ZNF257: variants seen among roughly 807,000 people sequenced by gnomAD.
ZNF257 encodes the protein zinc finger protein 257.
Under a neutral mutation model 11.9 loss-of-function variants are expected in ZNF257, and 12 were observed. The observed-to-expected ratio is 1.01, with a 90% confidence interval of 0.65 to 1.63. The LOEUF (loss-of-function observed/expected upper bound fraction) is 1.63. Ranked by LOEUF, ZNF257 falls within the 40% of genes most tolerant of loss-of-function variation. The pLI is 0.00. For missense variants in ZNF257, 580 were observed against 665.5 expected, an observed-to-expected ratio of 0.87 and a Z score of 1.41; for synonymous variants, 183 against 222.7, an observed-to-expected ratio of 0.82 and a Z score of 1.59.
chr19:22,053,197 C>G (rs1202472689), intron 1 of ZNF257, among the ~76,000 whole-genome samples: 7 of 151,504 alleles, frequency 4.6e-5, no homozygotes, highest in Admixed American at 4.6e-4. Flanking sequence ...GGTGAAACCC[C>G]GCCTCTACTA....
At chr19:22,053,366 CAAAAAAA>C (rs61426953) in intron 1 of ZNF257, among the ~76,000 whole-genome samples, 15,667 of 75,990 alleles carry the variant, frequency 0.21, 825 homozygotes, top group South Asian at 0.36. Flanking sequence ...GACTCCGTCT[CAAAAAAA>C]AAAAAAAAAA....
intron 1 of ZNF257, among the ~76,000 whole-genome samples, chr19:22,057,352 C>T (rs183864112): frequency 6.6e-6 from 1 of 151,996 alleles, no homozygotes; most frequent in Non-Finnish European, 1.5e-5. Context: ...TAATATTGAG[C>T]CTGCAAAAAA....
chr19:22,063,456 A>C (rs887241921), intron 1 of ZNF257, among the ~76,000 whole-genome samples: 5 of 152,194 alleles, frequency 3.3e-5, no homozygotes, highest in Non-Finnish European at 7.4e-5. Context: ...AGGTCACTAA[A>C]TTAAGATCTT....
intron 1 of ZNF257, among the ~76,000 whole-genome samples, chr19:22,071,994 A>G (rs1037225906): frequency 6.6e-6 from 1 of 152,190 alleles, no homozygotes; most frequent in Non-Finnish European, 1.5e-5. Context: ...ACTTAAAATC[A>G]CTATTAAAAA....
At chr19:22,081,389 A>G (rs973970788) in intron 3 of ZNF257, among the ~76,000 whole-genome samples, 3 of 151,798 alleles carry the variant, frequency 2.0e-5, no homozygotes, top group African/African-American at 7.3e-5. Context: ...TATAATTACT[A>G]TTTGCATGGA....
At chr19:22,073,604 T>C (rs1478651826) in intron 3 of ZNF257, 40 bp downstream of exon 3, 1 of 1,588,028 alleles carries the variant, frequency 6.3e-7, no homozygotes, top group South Asian at 1.1e-5. Context: ...GTGAAACAGA[T>C]GAGAGATCCA....
At chr19:22,065,700 T>C (rs1274119482) in intron 1 of ZNF257, 3 of 152,216 alleles carry the variant, frequency 2.0e-5, no homozygotes, top group Admixed American at 6.5e-5. Context: ...TAACTTGGAA[T>C]GCTGCTATTA....
At chr19:22,055,813 C>G (rs1022428124) in intron 1 of ZNF257, among the ~76,000 whole-genome samples, 5 of 151,952 alleles carry the variant, frequency 3.3e-5, no homozygotes, top group Non-Finnish European at 7.4e-5. Flanking sequence ...CGCCTGTAAT[C>G]CCAGCACTTT....
In ZNF257 at chr19:22,078,881, C is replaced by T. The variant is rs1255047185; in HGVS notation, c.226+5317C>T. On this transcript the variant is annotated intron_variant, in intron 3 of 3. Transcript: ENST00000594947. ...AATCTCTGCTCACTGCAGCCTCCAC[C>T]TCCCGGGTTCAAGTGATTCTCCTGC... Among the ~76,000 whole-genome samples, 5 of 151,584 alleles carry T rather than the reference C, an allele frequency of 3.3e-5. 1 individual carries two copies. The highest frequency in any genetic ancestry group is 1.9e-4 in the East Asian group (1 of 5,182).
intron 3 of ZNF257, chr19:22,075,877 A>G (rs2022213126): frequency 6.6e-6 from 1 of 152,176 alleles, no homozygotes; most frequent in African/African-American, 2.4e-5. Context: ...TGGTACTCTC[A>G]TAAAGGTATT....
chr19:22,059,549 A>C (rs1461118151), intron 1 of ZNF257, among the ~76,000 whole-genome samples: 2 of 151,778 alleles, frequency 1.3e-5, no homozygotes, highest in Admixed American at 1.3e-4. Flanking sequence ...GGCCTCCCAA[A>C]GTGCTGGGAT....
At chr19:22,052,718 C>A in intron 1 of ZNF257, 83 bp downstream of exon 1, 1 of 1,544,188 alleles carries the variant, frequency 6.5e-7, no homozygotes, top group Non-Finnish European at 8.9e-7. Context: ...GGGACTCAGG[C>A]CTCCTTGCAG....
rs767253191 is a variant in ZNF257 at position 22,089,452 on chromosome 19, A to G, written c.*10A>G. On this transcript the variant is annotated 3_prime_UTR_variant, in exon 4 of 4. Coordinates refer to ENST00000594947, the MANE Select transcript of ZNF257 (RefSeq NM_033468.4). ...TAAACATAATTCATAATGGAGAAAA[A>G]CCCTACAAATGTGAAGAATGTGTCA... The G allele has an allele frequency of 5.6e-6, 9 of 1,599,348 alleles. No homozygotes were observed. The Admixed American group carries it at 8.7e-5, about 15-fold the overall frequency.
intron 1 of ZNF257, among the ~76,000 whole-genome samples, chr19:22,068,359 G>A (rs1158109932): frequency 6.6e-6 from 1 of 151,980 alleles, no homozygotes; most frequent in East Asian, 1.9e-4. Context: ...ACAGCCTCTA[G>A]GAGAACATCT....
intron 3 of ZNF257, among the ~76,000 whole-genome samples, chr19:22,078,792 C>CTT (rs376822565): frequency 4.9e-4 from 65 of 132,978 alleles, no homozygotes; most frequent in African/African-American, 7.6e-4. Flanking sequence ...TTCTTTCTTT[C>CTT]TTTTTTTTTT....
At chr19:22,055,898 C>CA (rs1046485158) in intron 1 of ZNF257, among the ~76,000 whole-genome samples, 2 of 151,360 alleles carry the variant, frequency 1.3e-5, no homozygotes, top group Non-Finnish European at 2.9e-5. Context: ...CTAAAAAATA[C>CA]AAAAAAATTA....
rs767128822 is a variant in ZNF257 at position 22,088,486 on chromosome 19, C to G, written c.736C>G (p.Gln246Glu). 16 of 1,611,412 alleles carry G rather than the reference C, an allele frequency of 9.9e-6. No individual in the cohort carries two copies. The highest frequency in any genetic ancestry group is 1.3e-5 in the African/African-American group (1 of 74,662). The change falls in exon 4 of 4, where the codon CAA (glutamine) becomes GAA (glutamate). Residue 246 changes from glutamine to glutamate, a missense_variant. Transcript: ENST00000594947. ...TTTTAACCGGTCTTCACACCTTACTCAACATAAGGTAATTCATACTAGAGA... is the reference window on the plus strand; with the variant it reads ...TTTTAACCGGTCTTCACACCTTACTGAACATAAGGTAATTCATACTAGAGA... ...KAFNRSSHLTQHKVIHTREKP... is the reference protein window; with the variant it reads ...KAFNRSSHLTEHKVIHTREKP...
intron 1 of ZNF257, among the ~76,000 whole-genome samples, chr19:22,055,099 A>G (rs1206898697): frequency 3.3e-5 from 5 of 152,284 alleles, no homozygotes; most frequent in Non-Finnish European, 2.9e-5. Flanking sequence ...TGTTAAGCCA[A>G]TCAGATGCTG....
chr19:22,081,674 T>C (rs1299706777), intron 3 of ZNF257, among the ~76,000 whole-genome samples: 1 of 152,070 alleles, frequency 6.6e-6, no homozygotes, highest in Non-Finnish European at 1.5e-5. Context: ...GTTACAAGTA[T>C]GTGGCATCAC....
Sources: gnomAD v4.1 joint callset for allele counts (sites outside exome capture counted in the v4.1 genomes callset) on GRCh38, gnomAD v4.1.1 for gene constraint, MANE v1.5 for transcripts, NCBI Gene and HGNC (gene_info 2026-07-23, HGNC 2026-07-21) for gene names.